PLB1: variants seen among roughly 807,000 people sequenced by gnomAD.
PLB1 encodes the protein phospholipase B1, membrane-associated.
A neutral mutation model predicts 227.4 loss-of-function variants in PLB1; 242 were observed. The observed-to-expected ratio is 1.06, with a 90% CI of 0.96 to 1.18. The LOEUF is 1.18. Among genes scored for constraint, PLB1 ranks in the 50% most tolerant of loss-of-function variants. PLB1 has a pLI of 0.00. For synonymous variants in PLB1, 757 were observed against 682.2 expected, an observed-to-expected ratio of 1.11 and a Z score of -1.71; for missense variants, 1,858 against 1,816.3, an observed-to-expected ratio of 1.02 and a Z score of -0.42.
chr2:28,633,354 G>A (rs3752899), intron 56 of PLB1: 22,859 of 340,634 alleles, frequency 0.067, 2,498 homozygotes, highest in African/African-American at 0.31. Context: ...CTTCTACCTC[G>A]TACTGTGTGA....
At chr2:28,500,299 T>G (rs1666936758) in intron 1 of PLB1, among the ~76,000 whole-genome samples, 1 of 152,178 alleles carries the variant, frequency 6.6e-6, no homozygotes, top group Non-Finnish European at 1.5e-5. Flanking sequence ...CAACAAACAG[T>G]GATGTTCATG....
chr2:28,603,711 A>G (rs1479122286), intron 39 of PLB1, among the ~76,000 whole-genome samples: 1 of 152,258 alleles, frequency 6.6e-6, no homozygotes, highest in Non-Finnish European at 1.5e-5. Flanking sequence ...CAGCACCTGC[A>G]GTCCAACACT....
At chr2:28,508,967 C>T (rs1441145437) in intron 1 of PLB1, among the ~76,000 whole-genome samples, 1 of 152,198 alleles carries the variant, frequency 6.6e-6, no homozygotes, top group East Asian at 1.9e-4. Context: ...GACAAGTCAC[C>T]TCTTCCCTGT....
chr2:28,516,689 C>A, intron 1 of PLB1, 119 bp from the exon 2 acceptor site: 1 of 858,094 alleles, frequency 1.2e-6, no homozygotes, highest in Non-Finnish European at 1.9e-6. Context: ...TTCCCTAACA[C>A]AGTGGACATT....
chr2:28,500,592 T>C (rs889555504), intron 1 of PLB1, among the ~76,000 whole-genome samples: 1 of 152,140 alleles, frequency 6.6e-6, no homozygotes, highest in African/African-American at 2.4e-5. Context: ...GATTCCCTTT[T>C]TTCCCCCACT....
At chr2:28,614,321 T>A (rs1249917419) in intron 44 of PLB1, among the ~76,000 whole-genome samples, 3 of 152,058 alleles carry the variant, frequency 2.0e-5, no homozygotes, top group Admixed American at 6.5e-5. Context: ...AGAGGAAGTG[T>A]CTATGGATCG....
intron 51 of PLB1, 71 bp downstream of exon 51, chr2:28,626,579 C>T: frequency 7.3e-7 from 1 of 1,368,314 alleles, no homozygotes; most frequent in African/African-American, 1.4e-5. Flanking sequence ...CCTTGCCCAT[C>T]CATCCCTGGC....
intron 43 of PLB1, among the ~76,000 whole-genome samples, 184 bp downstream of exon 43, chr2:28,606,751 G>A (rs1041591047): frequency 6.6e-6 from 1 of 152,202 alleles, no homozygotes; most frequent in Non-Finnish European, 1.5e-5. Context: ...GGAGACAAGA[G>A]TGCAGCTGTC....
chr2:28,625,628 G>A (rs578008299), intron 50 of PLB1, among the ~76,000 whole-genome samples: 10 of 152,008 alleles, frequency 6.6e-5, no homozygotes, highest in South Asian at 4.2e-4. Context: ...CCCCAACCCC[G>A]CTTCTCAGTC....
In PLB1 at chr2:28,601,357, A is replaced by G. The variant is rs780256399; in HGVS notation, c.2607+25A>G. ...GGTAATTGGGGCCAGGTCCAGGCCT[A>G]CTTGTTGTTCCTAACTTTGCCCAGT... On this transcript the variant is annotated intron_variant, in intron 37 of 57. Transcript: ENST00000327757. 10 of 1,603,788 alleles carry G rather than the reference A, an allele frequency of 6.2e-6. No individual in the cohort carries two copies. The Admixed American group carries it at 6.7e-5, about 11-fold the overall frequency.
chr2:28,558,930 G>T (rs1029433123), intron 17 of PLB1, among the ~76,000 whole-genome samples: 1 of 152,014 alleles, frequency 6.6e-6, no homozygotes, highest in African/African-American at 2.4e-5. Context: ...TCACTATATT[G>T]CCCAGGCTGG....
intron 1 of PLB1, among the ~76,000 whole-genome samples, chr2:28,500,991 C>T (rs776256644): frequency 5.9e-5 from 9 of 152,184 alleles, no homozygotes; most frequent in Non-Finnish European, 1.2e-4. Flanking sequence ...GCTGTTTCTT[C>T]AAGGCTTCCA....
chr2:28,549,508 C>T (rs760955320), intron 15 of PLB1, among the ~76,000 whole-genome samples: 11 of 143,948 alleles, frequency 7.6e-5, no homozygotes, highest in Admixed American at 3.0e-4. Flanking sequence ...CTCTGCCTCC[C>T]GGGTTCAAGC....
At position 28,574,832 on chromosome 2, in the gene PLB1, G is replaced by T. The variant is rs867322441; in HGVS notation, c.1433+1527G>T. On this transcript the variant is annotated intron_variant, in intron 21 of 57. Transcript: ENST00000327757. ...GGCTTCCAGCTCCATCCAAGTTGCTGCAAATGACATTATTTCATTCCTTTT... is the reference window on the plus strand; with the variant it reads ...GGCTTCCAGCTCCATCCAAGTTGCTTCAAATGACATTATTTCATTCCTTTT... Among the ~76,000 whole-genome samples the T allele has an allele frequency of 2.9e-4, 44 of 152,250 alleles. No individual in the cohort carries two copies. The Middle Eastern group carries it at 0.017, about 59-fold the overall frequency.
chr2:28,636,057 G>GTATGTGTGTA (rs1440174922), intron 56 of PLB1, among the ~76,000 whole-genome samples: 65 of 109,334 alleles, frequency 5.9e-4, no homozygotes, highest in African/African-American at 1.6e-3. Flanking sequence ...ATGTGTATGT[G>GTATGTGTGTA]TGTATGTATG....
At chr2:28,587,586 G>A (rs1276999012) in intron 26 of PLB1, among the ~76,000 whole-genome samples, 1 of 151,422 alleles carries the variant, frequency 6.6e-6, no homozygotes, top group African/African-American at 2.4e-5. Flanking sequence ...CTCCAGCCTG[G>A]GTGACACAGT....
Position 28,540,302 on chromosome 2 carries a change from A to G in PLB1, c.699-64A>G, listed in dbSNP as rs1672301024. The G allele has an allele frequency of 3.6e-6, 5 of 1,378,794 alleles. No homozygotes were observed. The East Asian group carries it at 9.2e-5, about 25-fold the overall frequency. 85.4% of individuals were successfully genotyped at this position (1,378,794 alleles called of 1,614,324 possible). A position where few individuals can be genotyped will look rare whatever the true frequency, so the allele number is the denominator to read the frequency against. ...CCTTCTTCCATAAGAGGCGGGCTGG[A>G]TGCATCCCCTTCCCTGCCCACACTG... On this transcript the variant is annotated intron_variant, in intron 11 of 57. Coordinates refer to ENST00000327757, the MANE Select transcript of PLB1 (RefSeq NM_153021.5).
In PLB1 at chr2:28,593,664, CTG is replaced by C. The variant is rs768001469; in HGVS notation, c.2248-16_2248-15del. 4 of 1,612,572 alleles carry C rather than the reference CTG, an allele frequency of 2.5e-6. No homozygotes were observed. Among genetic ancestry groups the C allele is most frequent in the Non-Finnish European group, 3.4e-6 (4 of 1,178,648 alleles). On this transcript the variant is annotated splice_polypyrimidine_tract_variant and intron_variant, in intron 32 of 57. Coordinates refer to ENST00000327757, the MANE Select transcript of PLB1 (RefSeq NM_153021.5). ...TGACTTGCTAATTTTCCTATGGACT[CTG>C]GTATATTTTCAAAGGCTGGCAATGG...
chr2:28,554,489 C>T (rs1318752126), intron 17 of PLB1, among the ~76,000 whole-genome samples: 2 of 85,466 alleles, frequency 2.3e-5, no homozygotes, highest in Admixed American at 1.4e-4. Flanking sequence ...CCACACCTGC[C>T]TTTTTTTTTT....
Sources: allele counts gnomAD v4.1 joint callset (sites outside exome capture counted in the v4.1 genomes callset), GRCh38; gene constraint gnomAD v4.1.1; transcripts MANE v1.5; gene names NCBI Gene and HGNC (gene_info 2026-07-23, HGNC 2026-07-21).